RHOBTB2: variants seen among roughly 807,000 people sequenced by gnomAD.
RHOBTB2 encodes the protein Rho related BTB domain containing 2, also known as rho-related BTB domain-containing protein 2.
Under a neutral mutation model 66.5 loss-of-function variants are expected in RHOBTB2, and 39 were observed. That is an observed-to-expected ratio of 0.59 (90% CI 0.45 to 0.77). RHOBTB2 has a LOEUF of 0.77. RHOBTB2 is among the 30% of genes least tolerant of loss of function. The pLI is 0.00. For synonymous variants in RHOBTB2, 390 were observed against 395.0 expected, an observed-to-expected ratio of 0.99 and a Z score of 0.15; for missense variants, 755 against 999.1, an observed-to-expected ratio of 0.76 and a Z score of 3.29.
the RHOBTB2 span, among the ~76,000 whole-genome samples, chr8:22,955,079 C>A: frequency 6.6e-6 from 1 of 152,162 alleles, no homozygotes; most frequent in South Asian, 2.1e-4. Flanking sequence ...TGCAATAAGC[C>A]GAGATTGCAC....
the RHOBTB2 span, among the ~76,000 whole-genome samples, chr8:22,957,946 A>G: frequency 6.6e-5 from 10 of 152,178 alleles, no homozygotes; most frequent in Non-Finnish European, 2.9e-5. Context: ...CAGACCCCCA[A>G]TAAATGTGTT....
chr8:22,995,057 C>T (rs556585981), upstream of RHOBTB2, among the ~76,000 whole-genome samples: 6 of 152,296 alleles, frequency 3.9e-5, no homozygotes, highest in Admixed American at 2.0e-4. Flanking sequence ...TGAGCCACCG[C>T]GCCAGGTTCA....
chr8:22,997,785 C>G (rs1810616610), upstream of RHOBTB2, among the ~76,000 whole-genome samples: 1 of 152,180 alleles, frequency 6.6e-6, no homozygotes, highest in Non-Finnish European at 1.5e-5. Context: ...GTGGAGGGAA[C>G]AGGGTGTCCG....
chr8:22,965,217 A>G, the RHOBTB2 span, among the ~76,000 whole-genome samples: 2 of 152,194 alleles, frequency 1.3e-5, no homozygotes, highest in Non-Finnish European at 2.9e-5. Flanking sequence ...ACTAACCCAA[A>G]TATTTGTCAA....
chr8:22,999,547 CG>C lies in RHOBTB2; in HGVS notation c.-565del. On this transcript the variant is annotated 5_prime_UTR_variant, in exon 1 of 10. Coordinates refer to ENST00000251822, the MANE Select transcript of RHOBTB2 (RefSeq NM_015178.3). ...TCCACCAACTGCGCGCGGCAGTGGG[CG>C]GGGCCCGTCACGGCTGTCGTCTTGG... 1 of 1,175,006 alleles carries C rather than the reference CG, an allele frequency of 8.5e-7. No homozygotes were observed. The highest frequency in any genetic ancestry group is 1.1e-6 in the Non-Finnish European group (1 of 937,966). 72.8% of individuals were successfully genotyped at this position (1,175,006 alleles called of 1,614,324 possible). A position where few individuals can be genotyped will look rare whatever the true frequency, so the allele number is the denominator to read the frequency against.
the RHOBTB2 span, among the ~76,000 whole-genome samples, chr8:22,981,711 T>G: frequency 1.3e-5 from 2 of 152,042 alleles, no homozygotes; most frequent in Non-Finnish European, 2.9e-5. Context: ...GTCCCCCCAC[T>G]GCCTGCCCCT....
Position 23,017,898 on chromosome 8 carries a change from C to T in RHOBTB2, c.*429C>T, listed in dbSNP as rs1003241307. On this transcript the variant is annotated 3_prime_UTR_variant, in exon 10 of 10. Coordinates refer to ENST00000251822, the MANE Select transcript of RHOBTB2 (RefSeq NM_015178.3). The surrounding 1 kb of genome is among the most constrained non-coding windows in gnomAD (Gnocchi z 5.3). ...GCCCCTGTTGGCCATATCTTTCCAC[C>T]GACGGACTTGAGTGTTGCATTTGTT... 20 of 179,756 alleles carry T rather than the reference C, an allele frequency of 1.1e-4. No homozygotes were observed. The highest frequency in any genetic ancestry group is 4.2e-4 in the African/African-American group (18 of 42,842). 11.1% of individuals were successfully genotyped at this position (179,756 alleles called of 1,614,324 possible).
chr8:22,964,576 A>G, the RHOBTB2 span, among the ~76,000 whole-genome samples: 2 of 152,118 alleles, frequency 1.3e-5, no homozygotes, highest in African/African-American at 4.8e-5. Context: ...TCATGATGCC[A>G]TCTCTGATTG....
At position 23,006,159 on chromosome 8, in the gene RHOBTB2, G is replaced by A. The variant is rs556387215; in HGVS notation, c.482+14G>A. The A allele has an allele frequency of 1.1e-5, 18 of 1,604,054 alleles. No homozygotes were observed. In the African/African-American group the frequency reaches 1.5e-4, roughly 13 times the overall value. Reference sequence around the variant, plus strand: ...ACCCTTGGCTAGGTAGGAGGTGCTGGTACCAAGGAGACAGACATGGATGGG... The same window carrying A: ...ACCCTTGGCTAGGTAGGAGGTGCTGATACCAAGGAGACAGACATGGATGGG... On this transcript the variant is annotated intron_variant, in intron 4 of 9. Coordinates refer to ENST00000251822, the MANE Select transcript of RHOBTB2 (RefSeq NM_015178.3). The surrounding 1 kb of genome is among the most constrained non-coding windows in gnomAD (Gnocchi z 6.1).
chr8:22,985,293 G>A (rs997705636), upstream of RHOBTB2, among the ~76,000 whole-genome samples: 58 of 152,238 alleles, frequency 3.8e-4, no homozygotes, highest in Non-Finnish European at 7.5e-4. Flanking sequence ...TGTTCAGGGT[G>A]AAACAGTGAA....
At chr8:22,960,335 T>C in the RHOBTB2 span, among the ~76,000 whole-genome samples, 2 of 148,636 alleles carry the variant, frequency 1.3e-5, no homozygotes, top group Admixed American at 1.3e-4. Flanking sequence ...TCCTCTCCTT[T>C]CCTGACAGAG....
chr8:22,963,009 G>A, the RHOBTB2 span, among the ~76,000 whole-genome samples: 2 of 152,210 alleles, frequency 1.3e-5, no homozygotes, highest in African/African-American at 4.8e-5. Context: ...GGACAGATTC[G>A]AAGGGTCCTG....
the RHOBTB2 span, among the ~76,000 whole-genome samples, chr8:22,963,674 T>G: frequency 1.3e-5 from 2 of 152,180 alleles, no homozygotes; most frequent in African/African-American, 4.8e-5. Flanking sequence ...CTCACAATCA[T>G]GGCGGAAGGC....
chr8:22,978,618 A>G, the RHOBTB2 span, among the ~76,000 whole-genome samples: 1 of 151,524 alleles, frequency 6.6e-6, no homozygotes, highest in Non-Finnish European at 1.5e-5. Flanking sequence ...CATTTACAAT[A>G]AGAAGTTAGA....
chr8:22,976,320 T>A, the RHOBTB2 span, among the ~76,000 whole-genome samples: 1 of 152,290 alleles, frequency 6.6e-6, no homozygotes, highest in East Asian at 1.9e-4. Context: ...GAAAACAGGC[T>A]GTCTCCCAGG....
intron 2 of RHOBTB2, chr8:22,994,512 C>T (rs1228841478): frequency 1.2e-5 from 14 of 1,153,926 alleles, no homozygotes; most frequent in African/African-American, 3.1e-5. Flanking sequence ...CCCTTTCTCC[C>T]CTCTGTCTCC....
At position 23,004,710 on chromosome 8, in the gene RHOBTB2, A is replaced by G. The variant is rs190565065; in HGVS notation, c.192+84A>G. ...TCCTGAGGCATAGCTTGGTGTCTCCAGAGCTCACGGGAGCCCTCTAGGGGT... is the reference window on the plus strand; with the variant it reads ...TCCTGAGGCATAGCTTGGTGTCTCCGGAGCTCACGGGAGCCCTCTAGGGGT... On this transcript the variant is annotated intron_variant, in intron 2 of 9. Transcript: ENST00000251822. The surrounding 1 kb of genome is among the most constrained non-coding windows in gnomAD (Gnocchi z 6.4). 1.3e-5 allele frequency: 17 copies of G among 1,345,362 alleles called. No homozygotes were observed. Among genetic ancestry groups the G allele is most frequent in the East Asian group, 2.5e-5 (1 of 40,194 alleles). The allele number at this position is 1,345,362 out of a possible 1,614,324, so 83.3% of individuals were successfully genotyped here. A position where few individuals can be genotyped will look rare whatever the true frequency, so the allele number is the denominator to read the frequency against.
chr8:23,000,509 C>T (rs939596178), intron 1 of RHOBTB2, among the ~76,000 whole-genome samples: 10 of 152,278 alleles, frequency 6.6e-5, no homozygotes, highest in African/African-American at 2.2e-4. Flanking sequence ...TCTTTGAACT[C>T]AACTCCATTG....
Position 23,017,571 on chromosome 8 carries a change from C to T in RHOBTB2, c.*102C>T. On this transcript the variant is annotated 3_prime_UTR_variant, in exon 10 of 10. Coordinates refer to ENST00000251822, the MANE Select transcript of RHOBTB2 (RefSeq NM_015178.3). This position sits in a 1 kb window ranked among gnomAD's most constrained non-coding sequence, Gnocchi z 5.3. Reference sequence around the variant, plus strand: ...ATCCACCTTACAGGGACCAGGGGGCCCACGTAACCAGGACCCAGAGGGTGG... The same window carrying T: ...ATCCACCTTACAGGGACCAGGGGGCTCACGTAACCAGGACCCAGAGGGTGG... The T allele has an allele frequency of 6.7e-7, 1 of 1,493,630 alleles. No homozygotes were observed. Among genetic ancestry groups the T allele is most frequent in the South Asian group, 1.3e-5 (1 of 76,604 alleles). The allele number at this position is 1,493,630 out of a possible 1,614,324, so 92.5% of individuals were successfully genotyped here.
Sources: gnomAD v4.1 joint callset for allele counts (sites outside exome capture counted in the v4.1 genomes callset) on GRCh38, gnomAD v4.1.1 for gene constraint, Gnocchi (gnomAD v3.1) non-coding constraint, MANE v1.5 for transcripts, NCBI Gene and HGNC (gene_info 2026-07-23, HGNC 2026-07-21) for gene names.